TENM2: variants seen among roughly 807,000 people sequenced by gnomAD.
TENM2 encodes teneurin-2.
TENM2 carries 52 observed loss-of-function variants against 245.2 expected under a neutral mutation model. The ratio of observed to expected loss-of-function variants is 0.21; its 90% CI spans 0.17 to 0.27. TENM2 has a LOEUF of 0.27. Among genes scored for constraint, TENM2 ranks in the 10% least tolerant of loss-of-function variants. The pLI, the probability that TENM2 is intolerant of heterozygous loss-of-function variation, is 1.00. For synonymous variants in TENM2, 1,363 were observed against 1,438.9 expected, an observed-to-expected ratio of 0.95 and a Z score of 1.19; for missense variants, 3,046 against 3,666.8, an observed-to-expected ratio of 0.83 and a Z score of 4.37.
At chr5:167,073,336 C>A in the TENM2 span, among the ~76,000 whole-genome samples, 1 of 152,156 alleles carries the variant, frequency 6.6e-6, no homozygotes, top group Non-Finnish European at 1.5e-5. Context: ...CTGAATTGTA[C>A]ATCGAAGATC....
At chr5:167,457,351 T>G (rs1765987641) in intron 2 of TENM2, among the ~76,000 whole-genome samples, 1 of 144,368 alleles carries the variant, frequency 6.9e-6, no homozygotes, top group Non-Finnish European at 1.5e-5. Context: ...TATTTTATTT[T>G]TAGACAGTTT....
chr5:167,353,144 A>G (rs1225541712), intron 1 of TENM2, among the ~76,000 whole-genome samples: 2 of 152,224 alleles, frequency 1.3e-5, no homozygotes, highest in African/African-American at 4.8e-5. Context: ...CTAATCTGTG[A>G]AATGCTTTCT....
intron 2 of TENM2, among the ~76,000 whole-genome samples, chr5:167,649,950 T>G (rs913181540): frequency 7.2e-5 from 11 of 152,186 alleles, no homozygotes; most frequent in African/African-American, 2.7e-4. Flanking sequence ...ATGCAAACAT[T>G]GAGACTCTGG....
intron 2 of TENM2, among the ~76,000 whole-genome samples, chr5:167,789,082 A>G (rs184414537): frequency 1.6e-4 from 25 of 152,340 alleles, no homozygotes; most frequent in African/African-American, 5.5e-4. Context: ...ATTGCCTCCA[A>G]TGCACAGCAT....
chr5:167,435,269 T>A (rs1457156655), intron 2 of TENM2, among the ~76,000 whole-genome samples: 4 of 152,196 alleles, frequency 2.6e-5, no homozygotes. Flanking sequence ...GAACTGTAAC[T>A]CCCACAATTC....
intron 2 of TENM2, among the ~76,000 whole-genome samples, chr5:167,749,864 A>G (rs984705187): frequency 6.6e-6 from 1 of 152,138 alleles, no homozygotes; most frequent in African/African-American, 2.4e-5. Context: ...TAGTTTATCA[A>G]TAAAGAGATC....
chr5:167,795,607 T>C (rs1303312353), intron 2 of TENM2, among the ~76,000 whole-genome samples: 3 of 151,866 alleles, frequency 2.0e-5, no homozygotes, highest in Non-Finnish European at 4.4e-5. Context: ...TTGAAGGCAA[T>C]GGAGAATGCA....
the TENM2 span, among the ~76,000 whole-genome samples, chr5:167,155,272 G>T: frequency 1.3e-5 from 2 of 152,190 alleles, no homozygotes; most frequent in African/African-American, 4.8e-5. Context: ...AATTTTCCAA[G>T]CTGTGTTCTA....
chr5:168,195,551 C>CGTGTGTGTGTGTGT (rs35040257), intron 15 of TENM2, among the ~76,000 whole-genome samples: 1 of 98,126 alleles, frequency 1.0e-5, no homozygotes, highest in Non-Finnish European at 2.1e-5. Flanking sequence ...GGTCAATGCA[C>CGTGTGTGTGTGTGT]GTGTGTGTGT....
chr5:167,439,080 C>A (rs967267995), intron 2 of TENM2, among the ~76,000 whole-genome samples: 1 of 152,184 alleles, frequency 6.6e-6, no homozygotes, highest in African/African-American at 2.4e-5. Flanking sequence ...AGGCATGAGC[C>A]GCCGCACCGG....
At chr5:167,450,048 T>C (rs1242699786) in intron 2 of TENM2, among the ~76,000 whole-genome samples, 11 of 152,068 alleles carry the variant, frequency 7.2e-5, no homozygotes, top group Admixed American at 7.2e-4. Flanking sequence ...CGTGGCTAGA[T>C]GGATGGATGG....
intron 2 of TENM2, among the ~76,000 whole-genome samples, chr5:167,437,124 G>A (rs1262351960): frequency 1.3e-5 from 2 of 152,120 alleles, no homozygotes; most frequent in Admixed American, 6.5e-5. Context: ...GCCTGGAAAA[G>A]CCAGACACTC....
At chr5:168,148,186 CTT>C (rs1156636803) in intron 12 of TENM2, among the ~76,000 whole-genome samples, 2 of 152,152 alleles carry the variant, frequency 1.3e-5, no homozygotes, top group Non-Finnish European at 2.9e-5. Flanking sequence ...TAGAATGTGA[CTT>C]AGCAGAAACA....
At chr5:167,055,660 T>A in the TENM2 span, among the ~76,000 whole-genome samples, 1 of 152,108 alleles carries the variant, frequency 6.6e-6, no homozygotes, top group Non-Finnish European at 1.5e-5. Flanking sequence ...ATTTAATTTT[T>A]GTCAGTGCTA....
chr5:168,192,920 C>T (rs1761082441), intron 14 of TENM2, among the ~76,000 whole-genome samples: 1 of 152,156 alleles, frequency 6.6e-6, no homozygotes, highest in Non-Finnish European at 1.5e-5. Context: ...CCAGTCATTT[C>T]CTGATATTCT....
intron 2 of TENM2, among the ~76,000 whole-genome samples, chr5:167,628,085 C>T (rs1778629031): frequency 6.6e-6 from 1 of 152,124 alleles, no homozygotes; most frequent in Admixed American, 6.6e-5. Context: ...AGTTTAACAC[C>T]AAGCCTTAGT....
At chr5:167,638,350 T>C (rs1779349184) in intron 2 of TENM2, among the ~76,000 whole-genome samples, 1 of 152,210 alleles carries the variant, frequency 6.6e-6, no homozygotes, top group Non-Finnish European at 1.5e-5. Context: ...TTTATGTTAA[T>C]AGCACCCCAA....
the TENM2 span, among the ~76,000 whole-genome samples, chr5:167,089,958 A>G: frequency 6.6e-6 from 1 of 152,120 alleles, no homozygotes; most frequent in Non-Finnish European, 1.5e-5. Flanking sequence ...AGCTCAGGGG[A>G]GGAGCTACTT....
At chr5:167,185,451 C>A in the TENM2 span, among the ~76,000 whole-genome samples, 1 of 152,064 alleles carries the variant, frequency 6.6e-6, no homozygotes, top group African/African-American at 2.4e-5. Flanking sequence ...TGTATAAATA[C>A]ATGCCCTATT....
Sources: gnomAD v4.1 joint callset for allele counts (sites outside exome capture counted in the v4.1 genomes callset) on GRCh38, gnomAD v4.1.1 for gene constraint, MANE v1.5 for transcripts, NCBI Gene and HGNC (gene_info 2026-07-23, HGNC 2026-07-21) for gene names.